BMP8B: variants seen among roughly 807,000 people sequenced by gnomAD.
BMP8B encodes the protein bone morphogenetic protein 8 (osteogenic protein 2).
BMP8B carries 17 observed loss-of-function variants against 30.3 expected under a neutral mutation model. That is an observed-to-expected ratio of 0.56 (90% confidence interval 0.38 to 0.84). The LOEUF is 0.84. Ranked by LOEUF, BMP8B falls within the 40% of genes least tolerant of loss-of-function variation. The pLI is 0.00. For missense variants in BMP8B, 253 were observed against 494.6 expected, an observed-to-expected ratio of 0.51 and a Z score of 4.63; for synonymous variants, 131 against 214.7, an observed-to-expected ratio of 0.61 and a Z score of 3.41.
intron 1 of BMP8B, among the ~76,000 whole-genome samples, chr1:39,776,590 T>C (rs2248883): frequency 0.45 from 68,500 of 151,976 alleles, 16,401 homozygotes; most frequent in African/African-American, 0.62. Flanking sequence ...GGGCAGGGGA[T>C]GGGGCCAGAC....
chr1:39,782,237 C>T (rs974040725), intron 1 of BMP8B, among the ~76,000 whole-genome samples: 13 of 151,882 alleles, frequency 8.6e-5, no homozygotes, highest in Non-Finnish European at 1.5e-4. Context: ...GGGTCACGAG[C>T]GACTCAATGC....
At chr1:39,781,030 T>C (rs1454317107) in intron 1 of BMP8B, among the ~76,000 whole-genome samples, 2 of 152,206 alleles carry the variant, frequency 1.3e-5, no homozygotes. Flanking sequence ...ATTTCTTCCA[T>C]TTGGGGATCA....
At chr1:39,784,239 G>A (rs1650837909) in intron 1 of BMP8B, among the ~76,000 whole-genome samples, 1 of 152,170 alleles carries the variant, frequency 6.6e-6, no homozygotes, top group African/African-American at 2.4e-5. Flanking sequence ...TCTCACACAA[G>A]CCCACAACAG....
rs539300731 is a variant in BMP8B at position 39,762,893 on chromosome 1, C to T, written c.1059+199G>A. ...GTTCACGTATGTCCGTGTTTGGGTGCGAGTCTACGTGTAGTGTGGCTGTAT... is the reference window on the plus strand; with the variant it reads ...GTTCACGTATGTCCGTGTTTGGGTGTGAGTCTACGTGTAGTGTGGCTGTAT... On this transcript the variant is annotated intron_variant, in intron 6 of 6. Coordinates refer to ENST00000372827, the MANE Select transcript of BMP8B (RefSeq NM_001720.5). 1.4e-4 allele frequency among the ~76,000 whole-genome samples: 22 copies of T among 152,330 alleles called. No individual in the cohort carries two copies. In the South Asian group the frequency reaches 3.5e-3, roughly 24 times the overall value.
intron 3 of BMP8B, among the ~76,000 whole-genome samples, chr1:39,769,190 A>G (rs1431730340): frequency 6.6e-6 from 1 of 150,736 alleles, no homozygotes; most frequent in Non-Finnish European, 1.5e-5. Context: ...CTGCCTCAAA[A>G]AAAAGAAAAA....
Position 39,757,723 on chromosome 1 carries a change from A to G in BMP8B, c.*2696T>C, listed in dbSNP as rs907314933. The G allele has an allele frequency of 1.3e-5, 2 of 152,258 alleles. No homozygotes were observed. The highest frequency in any genetic ancestry group is 2.9e-5 in the Non-Finnish European group (2 of 68,054). 9.4% of individuals were successfully genotyped at this position (152,258 alleles called of 1,614,324 possible). A position where few individuals can be genotyped will look rare whatever the true frequency, so the allele number is the denominator to read the frequency against. On this transcript the variant is annotated 3_prime_UTR_variant, in exon 7 of 7. Transcript: ENST00000372827. ...CCATGCCCTGAGCAAAGAAAAGGGA[A>G]ATGGTGGTATCTGTGCTGCCAGCCT...
chr1:39,763,789 C>T lies in BMP8B; in HGVS notation c.871G>A (p.Asp291Asn). 1 of 1,600,146 alleles carries T rather than the reference C, an allele frequency of 6.2e-7. No homozygotes were observed. Among genetic ancestry groups the T allele is most frequent in the Non-Finnish European group, 8.5e-7 (1 of 1,171,316 alleles). Residue 291 changes from aspartate (D) to asparagine (N), a missense_variant and splice_region_variant, in exon 5 of 7, where the codon GAC (aspartate) becomes AAC (asparagine). By Grantham distance (23) the Asp-to-Asn change is conservative. This residue lies in a region of BMP8B where 8 missense variants were observed against 43.1 expected (regional missense o/e 0.19). Transcript: ENST00000372827. The stretch of plus-strand genomic sequence containing the variant: ...TGCCGGCCGTGGGAGCCGTGGACGT[C>T]ATCTGCAGGGACAGAAGGGGCAAGG... The part of the protein sequence containing the change: ...QANRLPGIFD[D>N]VHGSHGRQVC...
chr1:39,781,436 T>C (rs1042598651), intron 1 of BMP8B, among the ~76,000 whole-genome samples: 8 of 152,210 alleles, frequency 5.3e-5, no homozygotes, highest in Non-Finnish European at 1.2e-4. Context: ...CAGCCACTCT[T>C]TTCATAATTT....
At position 39,763,722 on chromosome 1, in the gene BMP8B, A is replaced by C. The variant is rs1649362373; in HGVS notation, c.938T>G (p.Leu313Arg). The C allele has an allele frequency of 6.2e-7, 1 of 1,600,934 alleles. No homozygotes were observed. The highest frequency in any genetic ancestry group is 8.5e-7 in the Non-Finnish European group (1 of 1,173,480). The change falls in exon 5 of 7, where the codon CTC becomes CGC. Residue 313 changes from leucine to arginine, a missense_variant. Coordinates refer to ENST00000372827, the MANE Select transcript of BMP8B (RefSeq NM_001720.5). ...RHELYVSFQD[L>R]GWLDWVIAPQ... ...AGAGTCAGCAATTACCAGCCAGCCG[A>C]GGTCCTGGAAGCTGACGTAGAGCTC...
chr1:39,782,603 G>A (rs1196900217), intron 1 of BMP8B, among the ~76,000 whole-genome samples: 1 of 152,096 alleles, frequency 6.6e-6, no homozygotes, highest in African/African-American at 2.4e-5. Flanking sequence ...AAGTAGCTGG[G>A]ATTACAGGCG....
chr1:39,767,016 G>T (rs930330488), intron 3 of BMP8B, among the ~76,000 whole-genome samples: 2 of 152,276 alleles, frequency 1.3e-5, no homozygotes, highest in Non-Finnish European at 2.9e-5. Context: ...GCCTGCCATG[G>T]GGCCTGAGAG....
intron 1 of BMP8B, among the ~76,000 whole-genome samples, chr1:39,784,164 A>T (rs964539738): frequency 6.6e-6 from 1 of 152,170 alleles, no homozygotes; most frequent in Admixed American, 6.5e-5. Context: ...TGTGACGGCA[A>T]TTGTGAGATA....
chr1:39,766,845 G>A (rs1175652462), intron 3 of BMP8B, among the ~76,000 whole-genome samples: 4 of 151,322 alleles, frequency 2.6e-5, no homozygotes, highest in South Asian at 2.1e-4. Flanking sequence ...AGGTCACAAC[G>A]GAGAGAGAAC....
Position 39,763,191 on chromosome 1 carries a change from G to A in BMP8B, c.960C>T (p.Ile320=), listed in dbSNP as rs370726712. 107 of 1,612,584 alleles carry A rather than the reference G, an allele frequency of 6.6e-5. 1 individual carries two copies. Among genetic ancestry groups the A allele is most frequent in the Non-Finnish European group, 8.0e-5 (94 of 1,179,354 alleles). Residue 320 remains isoleucine, a synonymous_variant, in exon 6 of 7, where the codon ATC becomes ATT. Coordinates refer to ENST00000372827, the MANE Select transcript of BMP8B (RefSeq NM_001720.5). ...AATAGGCCGAGTAGCCTTGGGGAGC[G>A]ATGACCCAGTCCTGGGGGGCAAGGG... ...FQDLGWLDWV[I]APQGYSAYYC...
chr1:39,786,672 G>C (rs1329872586), intron 1 of BMP8B, among the ~76,000 whole-genome samples: 1 of 152,116 alleles, frequency 6.6e-6, no homozygotes, highest in East Asian at 1.9e-4. Flanking sequence ...CCCAGTGTCA[G>C]CCTGTCCTGA....
Position 39,768,370 on chromosome 1 carries a change from G to A in BMP8B, c.674-3553C>T, listed in dbSNP as rs546956507. 1.5e-4 allele frequency among the ~76,000 whole-genome samples: 19 copies of A among 125,348 alleles called. 1 individual carries two copies. The highest frequency in any genetic ancestry group is 6.0e-4 in the African/African-American group (18 of 29,886). The allele number at this position is 125,348 out of a possible 152,430, so 82.2% of individuals were successfully genotyped here. On this transcript the variant is annotated intron_variant, in intron 3 of 6. Coordinates refer to ENST00000372827, the MANE Select transcript of BMP8B (RefSeq NM_001720.5). Reference sequence around the variant, plus strand: ...AAGCTTCCTGGTGGATTTCAGCACCGGCAGCCTCTCCCCTCTCAGTCTCTC... The same window carrying A: ...AAGCTTCCTGGTGGATTTCAGCACCAGCAGCCTCTCCCCTCTCAGTCTCTC...
chr1:39,772,441 A>C (rs1165051211), intron 3 of BMP8B, among the ~76,000 whole-genome samples: 1 of 73,316 alleles, frequency 1.4e-5, no homozygotes, highest in Non-Finnish European at 2.7e-5. Context: ...CCATGCTTTA[A>C]ATCCACTTAC....
intron 6 of BMP8B, 108 bp downstream of exon 6, chr1:39,762,983 CT>C (rs71794647): frequency 0.063 from 85,396 of 1,352,294 alleles, 3,179 homozygotes; most frequent in Non-Finnish European, 0.07. Context: ...ACAAAGCCCC[CT>C]GAGACGCGGA....
At chr1:39,762,172 G>A (rs1363160149) in intron 6 of BMP8B, 1 of 180,234 alleles carries the variant, frequency 5.5e-6, no homozygotes, top group Non-Finnish European at 1.2e-5. Context: ...GCTCAGAGCA[G>A]CTTTTGGTAA....
Sources: allele counts gnomAD v4.1 joint callset (sites outside exome capture counted in the v4.1 genomes callset), GRCh38; gene constraint gnomAD v4.1.1; regional missense constraint gnomAD v4.1.1; transcripts MANE v1.5; gene names NCBI Gene and HGNC (gene_info 2026-07-23, HGNC 2026-07-21).